The following CLASP1 variants were observed in gnomAD, a reference collection of about 807,000 sequenced individuals.
CLASP1 encodes the protein CLIP-associating protein 1.
In CLASP1, 38 loss-of-function variants were observed where a neutral mutation model predicts 192.3. The observed-to-expected ratio is 0.20, with a 90% confidence interval of 0.15 to 0.26. The LOEUF (loss-of-function observed/expected upper bound fraction) is 0.26, where lower values mean the gene tolerates loss of function less well. Ranked by LOEUF, CLASP1 falls within the 10% of genes least tolerant of loss-of-function variation. CLASP1 has a pLI of 1.00. For synonymous variants in CLASP1, 691 were observed against 712.8 expected, an observed-to-expected ratio of 0.97 and a Z score of 0.49; for missense variants, 1,433 against 1,932.5, an observed-to-expected ratio of 0.74 and a Z score of 4.85.
At chr2:121,419,788 T>C (rs1228352240) in intron 22 of CLASP1, among the ~76,000 whole-genome samples, 4 of 152,192 alleles carry the variant, frequency 2.6e-5, no homozygotes, top group South Asian at 2.1e-4. Context: ...GAATGCCTAA[T>C]GTAATAGCTG....
intron 32 of CLASP1, among the ~76,000 whole-genome samples, chr2:121,386,787 C>A (rs1428576693): frequency 1.3e-5 from 2 of 152,298 alleles, no homozygotes; most frequent in Non-Finnish European, 2.9e-5. Flanking sequence ...TAGGTTCTAC[C>A]ACTTGCAGAA....
At chr2:121,528,225 C>T (rs934535747) in intron 4 of CLASP1, among the ~76,000 whole-genome samples, 1 of 152,098 alleles carries the variant, frequency 6.6e-6, no homozygotes, top group Non-Finnish European at 1.5e-5. Context: ...CTCACACTGG[C>T]CTCTGTTTTT....
intron 19 of CLASP1, among the ~76,000 whole-genome samples, chr2:121,443,078 C>T: frequency 6.6e-6 from 1 of 152,160 alleles, no homozygotes; most frequent in Non-Finnish European, 1.5e-5. Context: ...CTTTGACTAG[C>T]CAGTGTTGCC....
chr2:121,480,584 C>A (rs760927940), intron 8 of CLASP1, among the ~76,000 whole-genome samples: 1 of 152,180 alleles, frequency 6.6e-6, no homozygotes, highest in Non-Finnish European at 1.5e-5. Context: ...GCAAGACCAA[C>A]CTCATTTGAG....
At chr2:121,634,695 C>T (rs2070462204) in intron 1 of CLASP1, among the ~76,000 whole-genome samples, 1 of 152,112 alleles carries the variant, frequency 6.6e-6, no homozygotes, top group South Asian at 2.1e-4. Context: ...AGTCACAGAC[C>T]ACAGGAAATC....
At chr2:121,450,269 T>C (rs1175446680) in intron 16 of CLASP1, among the ~76,000 whole-genome samples, 2 of 151,400 alleles carry the variant, frequency 1.3e-5, no homozygotes, top group African/African-American at 4.9e-5. Flanking sequence ...AGGTGGAGCT[T>C]GCAGTGAGCC....
At chr2:121,592,854 G>A (rs879617305) in intron 2 of CLASP1, among the ~76,000 whole-genome samples, 31 of 152,152 alleles carry the variant, frequency 2.0e-4, no homozygotes, top group Middle Eastern at 3.4e-3. Context: ...GGGTTTCACC[G>A]TGCTAGCCAG....
chr2:121,376,856 T>A (rs2070362901), intron 34 of CLASP1, among the ~76,000 whole-genome samples: 1 of 152,200 alleles, frequency 6.6e-6, no homozygotes, highest in East Asian at 1.9e-4. Context: ...TGCGTGGTCC[T>A]TATGAGAGTC....
chr2:121,454,415 G>C (rs1383857445), intron 14 of CLASP1, among the ~76,000 whole-genome samples: 12 of 152,142 alleles, frequency 7.9e-5, no homozygotes, highest in Non-Finnish European at 4.4e-5. Context: ...ATCTGACCTT[G>C]CTGGCACGCC....
chr2:121,593,079 A>G (rs1186938429), intron 2 of CLASP1, among the ~76,000 whole-genome samples: 1 of 152,252 alleles, frequency 6.6e-6, no homozygotes, highest in Non-Finnish European at 1.5e-5. Flanking sequence ...AGGGGAAAAA[A>G]GTAACTTTTT....
At position 121,581,861 on chromosome 2, in the gene CLASP1, G is replaced by A. The variant is rs149707879; in HGVS notation, c.195+23840C>T. 2.0e-5 allele frequency among the ~76,000 whole-genome samples: 3 copies of A among 152,260 alleles called. 1 individual carries two copies. The highest frequency in any genetic ancestry group is 7.2e-5 in the African/African-American group (3 of 41,546). On this transcript the variant is annotated intron_variant, in intron 2 of 39. Transcript: ENST00000263710. Reference sequence around the variant, plus strand: ...GATCGTGCCACTGCACTCCCAACTGGACGACAAAGCGAGATACTGTCTCAA... The same window carrying A: ...GATCGTGCCACTGCACTCCCAACTGAACGACAAAGCGAGATACTGTCTCAA...
chr2:121,500,048 TA>T (rs2093680658), intron 8 of CLASP1, among the ~76,000 whole-genome samples: 1 of 152,112 alleles, frequency 6.6e-6, no homozygotes, highest in Admixed American at 6.5e-5. Flanking sequence ...AAACTGTTCC[TA>T]TTTGCAGATG....
chr2:121,368,930 C>A (rs2068017237), intron 34 of CLASP1, among the ~76,000 whole-genome samples: 2 of 152,050 alleles, frequency 1.3e-5, no homozygotes, highest in African/African-American at 2.4e-5. Context: ...CTATGTATAC[C>A]CAAAACTTTC....
chr2:121,370,766 C>T lies in CLASP1; in HGVS notation c.3643-2935G>A, dbSNP rs532270014. Among the ~76,000 whole-genome samples, 4 of 152,354 alleles carry T rather than the reference C, an allele frequency of 2.6e-5. No individual in the cohort carries two copies. In the South Asian group the frequency reaches 6.2e-4, roughly 24 times the overall value. ...CCTGCAGCTCTGCCACTGCACTCCCCCCACTCCACCTGTCCCTAGGTGACA... is the reference window on the plus strand; with the variant it reads ...CCTGCAGCTCTGCCACTGCACTCCCTCCACTCCACCTGTCCCTAGGTGACA... On this transcript the variant is annotated intron_variant, in intron 34 of 39. Transcript: ENST00000263710.
At chr2:121,612,645 C>T (rs1038898709) in intron 1 of CLASP1, among the ~76,000 whole-genome samples, 4 of 152,148 alleles carry the variant, frequency 2.6e-5, no homozygotes, top group African/African-American at 9.7e-5. Flanking sequence ...CCTGCCCAGG[C>T]TCTCCATGAG....
In CLASP1 at chr2:121,404,526, G is replaced by T. The variant is rs1372657691; in HGVS notation, c.2670-92C>A. On this transcript the variant is annotated intron_variant, in intron 25 of 39. Coordinates refer to ENST00000263710, the Ensembl canonical transcript of CLASP1. ...CTATTACCCAGGCTAGAGTGCAGTG[G>T]TGCGATCATAGCTCACTACAGCCTT... 7.9e-6 allele frequency: 9 copies of T among 1,133,804 alleles called. No individual in the cohort carries two copies. The South Asian group carries it at 1.3e-4, about 16-fold the overall frequency. The allele number at this position is 1,133,804 out of a possible 1,614,324, so 70.2% of individuals were successfully genotyped here. A position where few individuals can be genotyped will look rare whatever the true frequency, so the allele number is the denominator to read the frequency against.
Position 121,609,857 on chromosome 2 carries a change from C to CT in CLASP1, c.-285-3678dup, listed in dbSNP as rs549912592. On this transcript the variant is annotated intron_variant, in intron 1 of 39. Coordinates refer to ENST00000263710, the Ensembl canonical transcript of CLASP1. ...GTGGGAGGCTGAGGCAGGAGAATCG[C>CT]TTGAAGCAGGGAGTCAGAGGTTGCA... 1.9e-3 allele frequency among the ~76,000 whole-genome samples: 285 copies of CT among 152,298 alleles called. 1 individual carries two copies. Among genetic ancestry groups the CT allele is most frequent in the African/African-American group, 6.5e-3 (272 of 41,564 alleles).
rs1046307952 is a variant in CLASP1, at chr2:121,534,807, G to A, written c.196-4482C>T. ...CTCCCAAAGTGCTGGGATTACTGACGTTGAGCCATTGTGCCTGGCCTATTC... is the reference window on the plus strand; with the variant it reads ...CTCCCAAAGTGCTGGGATTACTGACATTGAGCCATTGTGCCTGGCCTATTC... On this transcript the variant is annotated intron_variant, in intron 2 of 39. Transcript: ENST00000263710. Among the ~76,000 whole-genome samples, 8 of 152,110 alleles carry A rather than the reference G, an allele frequency of 5.3e-5. No individual in the cohort carries two copies. In the South Asian group the frequency reaches 1.2e-3, roughly 24 times the overall value.
chr2:121,366,507 C>T (rs1362768641), intron 35 of CLASP1, among the ~76,000 whole-genome samples: 7 of 152,206 alleles, frequency 4.6e-5, no homozygotes, highest in Non-Finnish European at 7.3e-5. Flanking sequence ...TTTCTTTGTG[C>T]CCCGACTGGA....
Sources: allele counts gnomAD v4.1 joint callset (sites outside exome capture counted in the v4.1 genomes callset), GRCh38; gene constraint gnomAD v4.1.1; transcripts MANE v1.5; gene names NCBI Gene and HGNC (gene_info 2026-07-23, HGNC 2026-07-21).